GNAT3: variants seen among roughly 807,000 people sequenced by gnomAD.
GNAT3 encodes G protein subunit alpha transducin 3, also known as guanine nucleotide-binding protein G(t) subunit alpha-3.
GNAT3 carries 31 observed loss-of-function variants against 37.7 expected under a neutral mutation model. The observed-to-expected ratio is 0.82, with a 90% CI of 0.62 to 1.11. The LOEUF is 1.11. Among genes scored for constraint, GNAT3 ranks in the 50% most tolerant of loss-of-function variants. The pLI is 0.00. For synonymous variants in GNAT3, 138 were observed against 139.8 expected, an observed-to-expected ratio of 0.99 and a Z score of 0.09; for missense variants, 437 against 412.5, an observed-to-expected ratio of 1.06 and a Z score of -0.51.
chr7:80,483,110 A>T (rs939178834), intron 3 of GNAT3, among the ~76,000 whole-genome samples: 2 of 152,132 alleles, frequency 1.3e-5, no homozygotes, highest in African/African-American at 4.8e-5. Flanking sequence ...AAAAGTACTG[A>T]TAGCAGAACT....
chr7:80,463,266 T>C (rs568955429), intron 5 of GNAT3, among the ~76,000 whole-genome samples: 7 of 152,274 alleles, frequency 4.6e-5, no homozygotes, highest in African/African-American at 1.7e-4. Context: ...TGAGGGATCA[T>C]GACACTTAGA....
chr7:80,471,991 C>A (rs534544437), intron 5 of GNAT3, among the ~76,000 whole-genome samples: 7 of 152,046 alleles, frequency 4.6e-5, no homozygotes, highest in African/African-American at 1.7e-4. Context: ...TTACTCTATG[C>A]TAGCCACTAT....
Position 80,458,843 on chromosome 7 carries a change from T to C in GNAT3, c.893A>G (p.Asp298Gly), listed in dbSNP as rs1276353079. The change falls in exon 8 of 8, where the codon GAT (aspartate) becomes GGT (glycine). Residue 298 changes from aspartate to glycine, a missense_variant. Asp to Gly is a moderately conservative substitution (Grantham distance 94). Coordinates refer to ENST00000398291, the MANE Select transcript of GNAT3 (RefSeq NM_001102386.3). ...CTGGTTCTTGATGTAGTTTCCTGCA[T>C]CTTCAAATGTATTTGGCCCTTGTTA... ...PEYTGPNTFE[D>G]AGNYIKNQFL... is the part of the protein sequence containing the mutation. The C allele has an allele frequency of 1.9e-6, 3 of 1,582,978 alleles. No individual in the cohort carries two copies. The highest frequency in any genetic ancestry group is 2.6e-6 in the Non-Finnish European group (3 of 1,166,890).
At chr7:80,459,966 C>T (rs1790022120) in intron 7 of GNAT3, among the ~76,000 whole-genome samples, 1 of 152,154 alleles carries the variant, frequency 6.6e-6, no homozygotes, top group African/African-American at 2.4e-5. Flanking sequence ...CCATACAATC[C>T]AGCAATCACA....
chr7:80,497,628 A>G (rs539118029), intron 1 of GNAT3, among the ~76,000 whole-genome samples: 2,932 of 96,128 alleles, frequency 0.031, 75 homozygotes, highest in Middle Eastern at 0.059. Context: ...ATACGTATAT[A>G]CATATACGTA....
In GNAT3 at chr7:80,462,631, C is replaced by A. The variant is rs765117132; in HGVS notation, c.591G>T (p.Arg197Ser). ...TQFSFKDLHF[R>S]MFDVGGQRSE... ...ATCTCTGTCCACCTACATCAAACAT[C>A]CTTTAAGAAAACATCAAATGAATAA... Residue 197 changes from arginine to serine, a missense_variant and splice_region_variant, in exon 6 of 8, where the codon AGG becomes AGT. Physicochemically the swap from Arg to Ser is moderately radical, Grantham distance 110. Coordinates refer to ENST00000398291, the MANE Select transcript of GNAT3 (RefSeq NM_001102386.3). 1 of 1,606,036 alleles carries A rather than the reference C, an allele frequency of 6.2e-7. No individual in the cohort carries two copies. The highest frequency in any genetic ancestry group is 8.5e-7 in the Non-Finnish European group (1 of 1,176,696).
intron 5 of GNAT3, among the ~76,000 whole-genome samples, chr7:80,472,274 C>T (rs1277963928): frequency 6.6e-6 from 1 of 152,052 alleles, no homozygotes; most frequent in Non-Finnish European, 1.5e-5. Context: ...TGAAATTGAC[C>T]ATGGTGGGGT....
chr7:80,477,589 C>T (rs1790327677), intron 4 of GNAT3, among the ~76,000 whole-genome samples: 1 of 152,020 alleles, frequency 6.6e-6, no homozygotes, highest in Non-Finnish European at 1.5e-5. Context: ...GTTTATATAG[C>T]TTATTTTCTC....
At chr7:80,496,471 T>C (rs960734764) in intron 1 of GNAT3, among the ~76,000 whole-genome samples, 1 of 152,156 alleles carries the variant, frequency 6.6e-6, no homozygotes, top group Non-Finnish European at 1.5e-5. Context: ...ACCCACTCAG[T>C]CTTCATTTCC....
At chr7:80,474,437 A>G in intron 4 of GNAT3, 58 bp from the exon 5 acceptor site, 30 of 719,198 alleles carry the variant, frequency 4.2e-5, no homozygotes, top group Non-Finnish European at 6.6e-5. Flanking sequence ...ATACATACAT[A>G]TATGTATATA....
chr7:80,487,999 C>T (rs918805434), intron 3 of GNAT3, among the ~76,000 whole-genome samples: 7 of 151,956 alleles, frequency 4.6e-5, no homozygotes, highest in African/African-American at 9.7e-5. Context: ...ACCTTACAAA[C>T]GGAACTATGA....
At chr7:80,496,143 C>A (rs576830944) in intron 1 of GNAT3, among the ~76,000 whole-genome samples, 1 of 151,976 alleles carries the variant, frequency 6.6e-6, no homozygotes, top group Non-Finnish European at 1.5e-5. Context: ...AAGAGTCTTT[C>A]TTTTTGAGAT....
intron 4 of GNAT3, among the ~76,000 whole-genome samples, chr7:80,477,763 A>T (rs1347243020): frequency 1.3e-5 from 2 of 152,018 alleles, no homozygotes; most frequent in African/African-American, 4.8e-5. Flanking sequence ...GGAGAGGGGG[A>T]GTTCATCAAA....
At chr7:80,502,064 A>G (rs371404679) in intron 1 of GNAT3, among the ~76,000 whole-genome samples, 7 of 152,126 alleles carry the variant, frequency 4.6e-5, no homozygotes, top group South Asian at 4.1e-4. Flanking sequence ...ATAGTTACCA[A>G]TAATGTACTG....
intron 2 of GNAT3, among the ~76,000 whole-genome samples, 191 bp downstream of exon 2, chr7:80,494,414 A>G (rs756143491): frequency 2.6e-5 from 4 of 152,228 alleles, no homozygotes; most frequent in Non-Finnish European, 5.9e-5. Context: ...AATGGAAATT[A>G]TAATATTATT....
chr7:80,497,559 C>CATATACGTATATACATATACGT (rs1790741408), intron 1 of GNAT3, among the ~76,000 whole-genome samples: 1 of 137,878 alleles, frequency 7.3e-6, no homozygotes, highest in African/African-American at 2.8e-5. Context: ...TACGTATATA[C>CATATACGTATATACATATACGT]ATATACGTAT....
intron 7 of GNAT3, among the ~76,000 whole-genome samples, chr7:80,461,494 T>C (rs1477892261): frequency 3.9e-5 from 6 of 152,130 alleles, no homozygotes; most frequent in African/African-American, 1.4e-4. Context: ...GGCTACAGCC[T>C]GAGCGACAGA....
intron 5 of GNAT3, among the ~76,000 whole-genome samples, chr7:80,465,165 AAAC>A (rs1790111362): frequency 6.6e-6 from 1 of 152,172 alleles, no homozygotes; most frequent in South Asian, 2.1e-4. Context: ...TAGTCCATAA[AAAC>A]AACCTTAGTG....
At chr7:80,497,595 TATATACATATAC>T (rs1562732847) in intron 1 of GNAT3, among the ~76,000 whole-genome samples, 2 of 138,634 alleles carry the variant, frequency 1.4e-5, no homozygotes, top group Non-Finnish European at 3.1e-5. Context: ...TACATATACG[TATATACATATAC>T]GTATATACAT....
Sources: allele counts gnomAD v4.1 joint callset (sites outside exome capture counted in the v4.1 genomes callset), GRCh38; gene constraint gnomAD v4.1.1; transcripts MANE v1.5; gene names NCBI Gene and HGNC (gene_info 2026-07-23, HGNC 2026-07-21).